Variants in ADGRL3 observed in about 807,000 individuals in gnomAD.
ADGRL3 encodes the protein calcium-independent alpha-latrotoxin receptor 3.
Under a neutral mutation model 153.5 loss-of-function variants are expected in ADGRL3, and 62 were observed. The observed-to-expected ratio is 0.40, with a 90% confidence interval of 0.33 to 0.50. The LOEUF is 0.50. Ranked by LOEUF, ADGRL3 falls within the 20% of genes least tolerant of loss-of-function variation. ADGRL3 has a pLI of 0.47. For missense variants in ADGRL3, 1,641 were observed against 1,859.4 expected, an observed-to-expected ratio of 0.88 and a Z score of 2.16; for synonymous variants, 710 against 672.5, an observed-to-expected ratio of 1.06 and a Z score of -0.86.
At chr4:61,922,293 AAT>A (rs2098773523) in intron 13 of ADGRL3, among the ~76,000 whole-genome samples, 1 of 152,174 alleles carries the variant, frequency 6.6e-6, no homozygotes, top group Non-Finnish European at 1.5e-5. Flanking sequence ...ACTGTTTATA[AAT>A]ATGTCTTTTT....
At chr4:61,673,820 T>A (rs1337330494) in intron 5 of ADGRL3, among the ~76,000 whole-genome samples, 2 of 151,154 alleles carry the variant, frequency 1.3e-5, no homozygotes, top group Non-Finnish European at 3.0e-5. Context: ...ACTTTTGATA[T>A]AAACATAGTA....
At chr4:61,896,136 C>T (rs2098630078) in intron 11 of ADGRL3, among the ~76,000 whole-genome samples, 2 of 152,074 alleles carry the variant, frequency 1.3e-5, no homozygotes, top group Admixed American at 6.6e-5. Flanking sequence ...GTAAAAGTTT[C>T]TAGCATGTAT....
At chr4:61,792,712 A>G (rs1158768176) in intron 8 of ADGRL3, among the ~76,000 whole-genome samples, 1 of 150,760 alleles carries the variant, frequency 6.6e-6, no homozygotes, top group Non-Finnish European at 1.5e-5. Flanking sequence ...CTGGTCTTGA[A>G]CTCCTGACCT....
At chr4:61,694,195 T>C (rs1471340191) in intron 6 of ADGRL3, among the ~76,000 whole-genome samples, 14 of 48,772 alleles carry the variant, frequency 2.9e-4, no homozygotes, top group African/African-American at 1.6e-3. Context: ...TTTTTTTTTT[T>C]TTTTTTTTTT....
rs1323732920 is a variant in ADGRL3 at position 62,070,392 on chromosome 4, A to G, written c.4116A>G (p.Glu1372=). 6.4e-7 allele frequency: 1 copy of G among 1,552,000 alleles called. No individual in the cohort carries two copies. Among genetic ancestry groups the G allele is most frequent in the African/African-American group, 1.4e-5 (1 of 73,006 alleles). The change falls in exon 27 of 27, where the codon GAA becomes GAG. Residue 1372 remains glutamate (E), a synonymous_variant. Coordinates refer to ENST00000683033, the MANE Select transcript of ADGRL3 (RefSeq NM_001387552.1). ...KLVNNLGSGR[E]DDAIVLDDAT... ...TGAATAACCTTGGCAGTGGAAGGGA[A>G]GATGATGCCATTGTCCTGGATGATG...
At chr4:62,047,289 T>C (rs568426966) in intron 25 of ADGRL3, among the ~76,000 whole-genome samples, 5 of 152,152 alleles carry the variant, frequency 3.3e-5, no homozygotes, top group East Asian at 3.9e-4. Flanking sequence ...ATTTTTACTT[T>C]AGGTTTTCTT....
intron 11 of ADGRL3, among the ~76,000 whole-genome samples, chr4:61,904,116 C>T (rs1408447563): frequency 6.8e-6 from 1 of 146,958 alleles, no homozygotes. Context: ...TTCCTTCCAA[C>T]ATTTTTGTTG....
chr4:61,254,249 T>C (rs755994279), intron 1 of ADGRL3, among the ~76,000 whole-genome samples: 2 of 152,112 alleles, frequency 1.3e-5, no homozygotes, highest in African/African-American at 2.4e-5. Flanking sequence ...TTGTGAGTCA[T>C]TTTTTTAGAA....
chr4:61,636,095 T>C (rs2093411182), intron 5 of ADGRL3, among the ~76,000 whole-genome samples: 1 of 152,082 alleles, frequency 6.6e-6, no homozygotes. Context: ...TCCTAACCCC[T>C]ATCGAAACTA....
intron 1 of ADGRL3, among the ~76,000 whole-genome samples, chr4:61,303,869 C>G (rs1027537312): frequency 2.0e-5 from 3 of 152,094 alleles, no homozygotes; most frequent in Non-Finnish European, 4.4e-5. Flanking sequence ...ACAAATCTGA[C>G]AGAAAAATGA....
intron 2 of ADGRL3, among the ~76,000 whole-genome samples, chr4:61,458,886 AT>A (rs1029885431): frequency 6.6e-6 from 1 of 151,224 alleles, no homozygotes; most frequent in African/African-American, 2.4e-5. Flanking sequence ...AGTTCCATAT[AT>A]TTTTCTAACT....
At chr4:61,734,480 G>A (rs558802772) in intron 8 of ADGRL3, among the ~76,000 whole-genome samples, 1 of 152,224 alleles carries the variant, frequency 6.6e-6, no homozygotes, top group Non-Finnish European at 1.5e-5. Flanking sequence ...TGTCTTACAA[G>A]GCAGCAGGCA....
chr4:61,378,349 AC>A (rs1311410748), intron 1 of ADGRL3, among the ~76,000 whole-genome samples: 2 of 151,628 alleles, frequency 1.3e-5, no homozygotes, highest in African/African-American at 4.8e-5. Flanking sequence ...TCAAAGTTCC[AC>A]CCCCAGATAC....
chr4:61,924,616 T>TGTA (rs753501034), intron 13 of ADGRL3, among the ~76,000 whole-genome samples: 33 of 152,190 alleles, frequency 2.2e-4, no homozygotes, highest in Non-Finnish European at 4.3e-4. Context: ...CCACCTCTAC[T>TGTA]GTTTCCTTTC....
Position 61,666,735 on chromosome 4 carries a change from A to T in ADGRL3, c.474-10091A>T, listed in dbSNP as rs549079504. On this transcript the variant is annotated intron_variant, in intron 5 of 26. Transcript: ENST00000683033. ...TGCTCCCTTATATTAGGTGAAAATA[A>T]GCAATATCTTTATTTGCTGCACTTT... Among the ~76,000 whole-genome samples the T allele has an allele frequency of 2.0e-3, 306 of 152,272 alleles. 5 individuals carry two copies. Among genetic ancestry groups the T allele is most frequent in the African/African-American group, 7.0e-3 (291 of 41,560 alleles).
At chr4:61,939,506 G>T (rs1304296958) in intron 15 of ADGRL3, among the ~76,000 whole-genome samples, 2 of 139,010 alleles carry the variant, frequency 1.4e-5, no homozygotes, top group African/African-American at 5.4e-5. Flanking sequence ...GTCTCACTCT[G>T]TCACCCAGGC....
At position 61,219,228 on chromosome 4, in the gene ADGRL3, G is replaced by A. The variant is rs188421857; in HGVS notation, c.-240+17463G>A. Among the ~76,000 whole-genome samples, 8 of 152,142 alleles carry A rather than the reference G, an allele frequency of 5.3e-5. No individual in the cohort carries two copies. The East Asian group carries it at 5.8e-4, about 11-fold the overall frequency. ...GACCTAAATGAGATGGTGATCATTG[G>A]TTAAATGACCTCATCTAAACTTTGT... On this transcript the variant is annotated intron_variant, in intron 1 of 26. Coordinates refer to ENST00000683033, the MANE Select transcript of ADGRL3 (RefSeq NM_001387552.1).
chr4:61,255,510 A>G (rs2149490444), intron 1 of ADGRL3, among the ~76,000 whole-genome samples: 1 of 152,340 alleles, frequency 6.6e-6, no homozygotes, highest in African/African-American at 2.4e-5. Context: ...TTCTGAAAGA[A>G]TAGAATTTAT....
intron 1 of ADGRL3, among the ~76,000 whole-genome samples, chr4:61,374,390 A>G (rs1284193503): frequency 1.3e-5 from 2 of 152,132 alleles, no homozygotes; most frequent in African/African-American, 4.8e-5. Context: ...CTCTCCATGA[A>G]GTTGAGTTGA....
Sources: allele counts gnomAD v4.1 joint callset (sites outside exome capture counted in the v4.1 genomes callset), GRCh38; gene constraint gnomAD v4.1.1; transcripts MANE v1.5; gene names NCBI Gene and HGNC (gene_info 2026-07-23, HGNC 2026-07-21).